HRH1: variants seen among roughly 807,000 people sequenced by gnomAD.
HRH1 encodes the protein histamine receptor H1, also known as histamine H1 receptor.
In HRH1, 6 loss-of-function variants were observed where a neutral mutation model predicts 10.3. That is an observed-to-expected ratio of 0.58 (90% CI 0.32 to 1.15). HRH1 has a LOEUF of 1.15. Among genes scored for constraint, HRH1 ranks in the 50% most tolerant of loss-of-function variants. HRH1 has a pLI of 0.05. For missense variants in HRH1, 514 were observed against 615.3 expected (o/e 0.84, Z 1.74); for synonymous variants, 242 against 236.7 (o/e 1.02, Z -0.21).
chr3:11,210,758 A>C (rs1334365464), intron 1 of HRH1, among the ~76,000 whole-genome samples: 1 of 150,570 alleles, frequency 6.6e-6, no homozygotes, highest in Non-Finnish European at 1.5e-5. Flanking sequence ...GTGCCACTGC[A>C]CTCCAGCCTA....
intron 1 of HRH1, among the ~76,000 whole-genome samples, chr3:11,211,766 A>G (rs1331094630): frequency 6.6e-6 from 1 of 152,218 alleles, no homozygotes; most frequent in Non-Finnish European, 1.5e-5. Flanking sequence ...AGGAGCTAAA[A>G]TGTGCCTCCC....
At chr3:11,235,364 C>T (rs767213122) in intron 1 of HRH1, among the ~76,000 whole-genome samples, 15 of 148,402 alleles carry the variant, frequency 1.0e-4, no homozygotes, top group Non-Finnish European at 5.9e-5. Flanking sequence ...ACTGCTGTAG[C>T]AGAGGAAGCC....
chr3:11,151,233 TG>T (rs1241881462), upstream of HRH1, among the ~76,000 whole-genome samples: 2 of 152,234 alleles, frequency 1.3e-5, no homozygotes, highest in Non-Finnish European at 2.9e-5. Context: ...GCCTTGAGGT[TG>T]TTTAGCCATT....
chr3:11,160,336 G>T (rs1190846008), intron 1 of HRH1, among the ~76,000 whole-genome samples: 2 of 152,132 alleles, frequency 1.3e-5, no homozygotes, highest in Non-Finnish European at 2.9e-5. Context: ...TTAATAAAGT[G>T]CCAGGCACTG....
chr3:11,172,992 C>T (rs756177378), intron 1 of HRH1, among the ~76,000 whole-genome samples: 7 of 152,112 alleles, frequency 4.6e-5, no homozygotes, highest in Non-Finnish European at 1.0e-4. Context: ...CCACCGCGCC[C>T]GGCCAGCTTT....
Position 11,231,015 on chromosome 3 carries a change from C to A in HRH1, c.-35-27988C>A, listed in dbSNP as rs186677653. On this transcript the variant is annotated intron_variant, in intron 1 of 1. Coordinates refer to ENST00000431010, the MANE Select transcript of HRH1 (RefSeq NM_001098212.2). ...CATCCCCTTTCCTTCTCACCTCCCC[C>A]ATCCCTAAACCCGGCAACCACTAAT... Among the ~76,000 whole-genome samples the A allele has an allele frequency of 1.6e-3, 251 of 152,300 alleles. 2 individuals are homozygous for A. Among genetic ancestry groups the A allele is most frequent in the East Asian group, 4.4e-3 (23 of 5,188 alleles).
chr3:11,154,458 G>T (rs1478667165), upstream of HRH1: 2 of 126,222 alleles, frequency 1.6e-5, no homozygotes, highest in South Asian at 2.4e-4. This position sits in a 1 kb window ranked among gnomAD's most constrained non-coding sequence, Gnocchi z 4.4. Flanking sequence ...CCCGCTCCCC[G>T]AGAGCTCCCC....
chr3:11,195,087 A>G (rs969410940), intron 1 of HRH1, among the ~76,000 whole-genome samples: 4 of 152,138 alleles, frequency 2.6e-5, no homozygotes, highest in Non-Finnish European at 5.9e-5. Context: ...AGACACTGAA[A>G]TGGGTTTCCC....
At chr3:11,179,662 C>T (rs953673708) in intron 1 of HRH1, among the ~76,000 whole-genome samples, 2 of 151,352 alleles carry the variant, frequency 1.3e-5, no homozygotes, top group African/African-American at 2.4e-5. Flanking sequence ...AGAAGGATAT[C>T]GCCCTGGAAG....
At chr3:11,151,721 A>G (rs1389372545), upstream of HRH1, among the ~76,000 whole-genome samples, 3 of 152,080 alleles carry the variant, frequency 2.0e-5, no homozygotes, top group Non-Finnish European at 2.9e-5. Context: ...GGCTAGTCTC[A>G]AACTCCTGAG....
chr3:11,253,907 G>A (rs1276093968), intron 1 of HRH1, among the ~76,000 whole-genome samples: 1 of 152,140 alleles, frequency 6.6e-6, no homozygotes, highest in Non-Finnish European at 1.5e-5. Context: ...ATCTAAGAGT[G>A]GTTTAAGCTC....
At chr3:11,144,448 C>A (rs1315133210) in intron 1 of HRH1, among the ~76,000 whole-genome samples, 1 of 151,572 alleles carries the variant, frequency 6.6e-6, no homozygotes, top group Admixed American at 6.6e-5. Context: ...TATAGACATA[C>A]GTCTATAGGT....
At chr3:11,215,783 C>T (rs1179800593) in intron 1 of HRH1, among the ~76,000 whole-genome samples, 1 of 152,204 alleles carries the variant, frequency 6.6e-6, no homozygotes, top group East Asian at 1.9e-4. Flanking sequence ...GGGACTTTGA[C>T]TAATTCAGTG....
chr3:11,229,742 C>A (rs193032572), intron 1 of HRH1, among the ~76,000 whole-genome samples: 2 of 152,158 alleles, frequency 1.3e-5, no homozygotes, highest in South Asian at 2.1e-4. Context: ...TTATTGTCAT[C>A]TTGTTTATGC....
At chr3:11,239,718 T>C (rs1024202318) in intron 1 of HRH1, among the ~76,000 whole-genome samples, 1 of 147,898 alleles carries the variant, frequency 6.8e-6, no homozygotes, top group African/African-American at 2.5e-5. Context: ...TTCCAGCATA[T>C]GAATTATTGC....
At chr3:11,138,726 G>A (rs1311557595) in intron 1 of HRH1, among the ~76,000 whole-genome samples, 1 of 139,142 alleles carries the variant, frequency 7.2e-6, no homozygotes, top group African/African-American at 2.8e-5. Flanking sequence ...TTTTTTTTGA[G>A]TGCAGTGGCA....
chr3:11,232,902 C>A (rs140236147), intron 1 of HRH1, among the ~76,000 whole-genome samples: 10 of 152,140 alleles, frequency 6.6e-5, no homozygotes, highest in African/African-American at 2.2e-4. Flanking sequence ...GTATAAGAGT[C>A]TGGGCTGACA....
chr3:11,160,001 G>T (rs1057180305), intron 1 of HRH1, among the ~76,000 whole-genome samples: 1 of 152,232 alleles, frequency 6.6e-6, no homozygotes, highest in Non-Finnish European at 1.5e-5. Flanking sequence ...CAGACATCCA[G>T]ATGAAGGGGA....
Position 11,243,379 on chromosome 3 carries a change from G to A in HRH1, c.-35-15624G>A, listed in dbSNP as rs1441990761. On this transcript the variant is annotated intron_variant, in intron 1 of 1. Transcript: ENST00000431010. ...GTGTTGCACTTCAGAGACAGAAATA[G>A]TGGACATCCTCCATGCCCTGGAGTT... Among the ~76,000 whole-genome samples the A allele has an allele frequency of 2.0e-5, 3 of 152,340 alleles. No homozygotes were observed. The East Asian group carries it at 5.8e-4, about 29-fold the overall frequency.
Sources: gnomAD v4.1 joint callset for allele counts (sites outside exome capture counted in the v4.1 genomes callset) on GRCh38, gnomAD v4.1.1 for gene constraint, Gnocchi (gnomAD v3.1) non-coding constraint, MANE v1.5 for transcripts, NCBI Gene and HGNC (gene_info 2026-07-23, HGNC 2026-07-21) for gene names.